Variants in PTPRT observed in about 807,000 individuals in gnomAD.
PTPRT encodes the protein receptor-type tyrosine-protein phosphatase T.
A neutral mutation model predicts 176.8 loss-of-function variants in PTPRT; 56 were observed. The ratio of observed to expected loss-of-function variants is 0.32; its 90% CI spans 0.26 to 0.40. The LOEUF (loss-of-function observed/expected upper bound fraction) is 0.40. Ranked by LOEUF, PTPRT falls within the 10% of genes least tolerant of loss-of-function variation. The pLI is 1.00. For missense variants in PTPRT, 1,540 were observed against 1,908.2 expected, an observed-to-expected ratio of 0.81 and a Z score of 3.60; for synonymous variants, 783 against 739.0, an observed-to-expected ratio of 1.06 and a Z score of -0.96.
At chr20:42,160,610 T>C (rs1332663644) in intron 17 of PTPRT, among the ~76,000 whole-genome samples, 3 of 152,140 alleles carry the variant, frequency 2.0e-5, no homozygotes, top group African/African-American at 7.2e-5. Context: ...GACCAGAACC[T>C]TAGAAGGCCT....
At chr20:42,850,675 C>A (rs966105186) in intron 2 of PTPRT, among the ~76,000 whole-genome samples, 2 of 152,196 alleles carry the variant, frequency 1.3e-5, no homozygotes, top group East Asian at 1.9e-4. Context: ...CTTTGTGAGG[C>A]CAGCTGCTGG....
At chr20:42,108,236 G>A (rs574295066) in intron 23 of PTPRT, among the ~76,000 whole-genome samples, 2 of 110,124 alleles carry the variant, frequency 1.8e-5, no homozygotes, top group South Asian at 2.6e-4. Flanking sequence ...GTCCTTGTGA[G>A]GACAAAGCTG....
chr20:42,931,112 G>T (rs377163242), intron 1 of PTPRT, among the ~76,000 whole-genome samples: 14 of 152,156 alleles, frequency 9.2e-5, no homozygotes, highest in African/African-American at 3.4e-4. Flanking sequence ...TAAGGAGTTA[G>T]ACTTGGACAA....
At chr20:42,360,450 C>T (rs535554158) in intron 9 of PTPRT, among the ~76,000 whole-genome samples, 3 of 152,314 alleles carry the variant, frequency 2.0e-5, no homozygotes, top group African/African-American at 7.2e-5. Flanking sequence ...CTCTTTCTTC[C>T]TGAACTACCA....
At chr20:42,091,888 C>T (rs2146169731) in intron 27 of PTPRT, among the ~76,000 whole-genome samples, 1 of 152,246 alleles carries the variant, frequency 6.6e-6, no homozygotes, top group South Asian at 2.1e-4. Context: ...ACAATCTCCA[C>T]ATAGTGGGTG....
intron 11 of PTPRT, among the ~76,000 whole-genome samples, chr20:42,350,286 T>G (rs1211494787): frequency 2.7e-5 from 4 of 145,482 alleles, no homozygotes. Flanking sequence ...TGGAGTGCAG[T>G]GGCATGATCA....
At chr20:42,457,142 A>G (rs2070938168) in intron 8 of PTPRT, among the ~76,000 whole-genome samples, 1 of 152,184 alleles carries the variant, frequency 6.6e-6, no homozygotes, top group Non-Finnish European at 1.5e-5. Flanking sequence ...CAATCATCTC[A>G]TTAATTTTTC....
At chr20:43,138,550 C>T (rs1303525680) in intron 1 of PTPRT, among the ~76,000 whole-genome samples, 1 of 152,206 alleles carries the variant, frequency 6.6e-6, no homozygotes, top group African/African-American at 2.4e-5. Flanking sequence ...ACCTTTGTAC[C>T]GGGCACAGGT....
chr20:42,568,952 G>T, intron 7 of PTPRT, among the ~76,000 whole-genome samples: 1 of 146,534 alleles, frequency 6.8e-6, no homozygotes, highest in East Asian at 2.1e-4. Flanking sequence ...GGGAAGCTGA[G>T]CAGAAGAATC....
At chr20:42,751,263 T>A (rs746143316) in intron 6 of PTPRT, among the ~76,000 whole-genome samples, 3 of 152,070 alleles carry the variant, frequency 2.0e-5, no homozygotes, top group Non-Finnish European at 2.9e-5. Context: ...ACCTCCCAAC[T>A]GTGGAGTGGT....
intron 6 of PTPRT, among the ~76,000 whole-genome samples, chr20:42,747,228 C>T (rs1033233938): frequency 4.6e-5 from 7 of 152,262 alleles, no homozygotes; most frequent in African/African-American, 1.7e-4. Context: ...CAATCAATAA[C>T]GAGAACCTTA....
chr20:42,599,687 C>T (rs2073741111), intron 7 of PTPRT, among the ~76,000 whole-genome samples: 1 of 152,134 alleles, frequency 6.6e-6, no homozygotes, highest in South Asian at 2.1e-4. Flanking sequence ...ACTCTTTACA[C>T]AGAACTGGCC....
chr20:42,948,335 C>T (rs1335737213), intron 1 of PTPRT, among the ~76,000 whole-genome samples: 1 of 152,176 alleles, frequency 6.6e-6, no homozygotes, highest in Non-Finnish European at 1.5e-5. Flanking sequence ...TCTAGGAACA[C>T]CCGGTTCATC....
chr20:43,147,111 C>T (rs959640900), intron 1 of PTPRT, among the ~76,000 whole-genome samples: 4 of 152,118 alleles, frequency 2.6e-5, no homozygotes, highest in African/African-American at 4.8e-5. Flanking sequence ...GTCTTCTCTC[C>T]AGGTACCTCT....
intron 6 of PTPRT, among the ~76,000 whole-genome samples, chr20:42,712,718 C>A (rs919560070): frequency 6.6e-6 from 1 of 152,172 alleles, no homozygotes; most frequent in Non-Finnish European, 1.5e-5. Flanking sequence ...TGGTACATCC[C>A]CTATGGAGAA....
chr20:42,940,858 G>C (rs1980495779), intron 1 of PTPRT, among the ~76,000 whole-genome samples: 1 of 152,012 alleles, frequency 6.6e-6, no homozygotes, highest in South Asian at 2.1e-4. Context: ...GAGGCAGGTG[G>C]ATCACAAGGT....
intron 29 of PTPRT, among the ~76,000 whole-genome samples, chr20:42,083,188 A>G (rs1210100482): frequency 3.3e-5 from 5 of 151,080 alleles, no homozygotes; most frequent in African/African-American, 9.7e-5. Context: ...AAGGTCTCCT[A>G]TGAAAGACGG....
chr20:42,739,197 G>A (rs541648896), intron 6 of PTPRT, among the ~76,000 whole-genome samples: 33 of 152,288 alleles, frequency 2.2e-4, no homozygotes, highest in African/African-American at 7.9e-4. Context: ...GTCTGCAGAA[G>A]CCATGGCCAA....
intron 1 of PTPRT, among the ~76,000 whole-genome samples, chr20:43,033,854 G>A (rs1409454994): frequency 6.6e-6 from 1 of 152,172 alleles, no homozygotes; most frequent in African/African-American, 2.4e-5. Flanking sequence ...GCAGCAAGTG[G>A]TGGAGCTGGA....
Sources: gnomAD v4.1 joint callset for allele counts (sites outside exome capture counted in the v4.1 genomes callset) on GRCh38, gnomAD v4.1.1 for gene constraint, MANE v1.5 for transcripts, NCBI Gene and HGNC (gene_info 2026-07-23, HGNC 2026-07-21) for gene names.